The following TTC27 variants were observed in gnomAD, a reference collection of about 807,000 sequenced individuals.
TTC27 encodes tetratricopeptide repeat protein 27.
TTC27 carries 79 observed loss-of-function variants against 115.9 expected under a neutral mutation model. That is an observed-to-expected ratio of 0.68 (90% CI 0.57 to 0.82). TTC27 has a LOEUF of 0.82. Among genes scored for constraint, TTC27 ranks in the 40% least tolerant of loss-of-function variants. The probability of loss-of-function intolerance (pLI) is 0.00; values close to 1 mark genes in which losing one functional copy is unlikely to be tolerated. For missense variants in TTC27, 1,054 were observed against 993.1 expected (o/e 1.06, Z -0.82); for synonymous variants, 401 against 356.0 (o/e 1.13, Z -1.42).
At chr2:32,763,048 CT>C (rs1669502712) in intron 13 of TTC27, among the ~76,000 whole-genome samples, 3 of 152,260 alleles carry the variant, frequency 2.0e-5, no homozygotes, top group Admixed American at 2.0e-4. Flanking sequence ...GCTTGCTGGT[CT>C]CATTATATAA....
chr2:32,652,848 T>C (rs1436888441), intron 5 of TTC27, among the ~76,000 whole-genome samples: 4 of 150,828 alleles, frequency 2.7e-5, no homozygotes, highest in Non-Finnish European at 4.4e-5. Context: ...GTTGGCAGGA[T>C]TTTTTTTTTC....
chr2:32,733,742 G>A (rs1489048172), intron 10 of TTC27, 86 bp from the exon 11 acceptor site: 1 of 737,788 alleles, frequency 1.4e-6, no homozygotes, highest in Non-Finnish European at 2.1e-6. Context: ...TTGTTTATAT[G>A]TGCATTTGTA....
intron 10 of TTC27, among the ~76,000 whole-genome samples, chr2:32,730,097 T>C (rs577256773): frequency 6.6e-6 from 1 of 152,302 alleles, no homozygotes; most frequent in African/African-American, 2.4e-5. Flanking sequence ...GTGCATTCAG[T>C]CCCATTCTCA....
intron 16 of TTC27, 80 bp from the exon 17 acceptor site, chr2:32,810,944 T>C (rs1165806075): frequency 2.1e-6 from 3 of 1,448,682 alleles, no homozygotes; most frequent in Non-Finnish European, 2.9e-6. Flanking sequence ...TCATTGTCTT[T>C]GATGATGGTG....
At chr2:32,659,212 C>T (rs981874309) in intron 5 of TTC27, among the ~76,000 whole-genome samples, 1 of 152,148 alleles carries the variant, frequency 6.6e-6, no homozygotes. Context: ...GCAATCTTTC[C>T]ACCTAGGTCT....
intron 7 of TTC27, among the ~76,000 whole-genome samples, chr2:32,667,926 C>T (rs1247927481): frequency 7.4e-5 from 11 of 148,844 alleles, no homozygotes; most frequent in Non-Finnish European, 1.5e-4. Flanking sequence ...CAGTGGCTCA[C>T]GCCTGTAATC....
chr2:32,744,508 T>C (rs1304649491), intron 12 of TTC27, among the ~76,000 whole-genome samples: 1 of 152,192 alleles, frequency 6.6e-6, no homozygotes, highest in Non-Finnish European at 1.5e-5. Flanking sequence ...ATATTAATGT[T>C]CCTAGAAGCT....
intron 9 of TTC27, among the ~76,000 whole-genome samples, chr2:32,679,447 G>A (rs980224924): frequency 6.6e-6 from 1 of 152,204 alleles, no homozygotes; most frequent in African/African-American, 2.4e-5. Context: ...ATAGATATTT[G>A]AGGATTTTAG....
chr2:32,730,621 A>ATT (rs10712292), intron 10 of TTC27, among the ~76,000 whole-genome samples: 6 of 137,826 alleles, frequency 4.4e-5, no homozygotes, highest in African/African-American at 1.1e-4. Context: ...AGACTTTCTT[A>ATT]TTTTTTTTTT....
In TTC27 at chr2:32,628,262, G is replaced by A. The variant is rs1227219181; in HGVS notation, c.-31G>A. 1.3e-6 allele frequency: 2 copies of A among 1,589,556 alleles called. No individual in the cohort carries two copies. The highest frequency in any genetic ancestry group is 1.7e-6 in the Non-Finnish European group (2 of 1,169,250). On this transcript the variant is annotated 5_prime_UTR_variant, in exon 1 of 20. Coordinates refer to ENST00000317907, the MANE Select transcript of TTC27 (RefSeq NM_017735.5). ...TGACTCCCGTGTGGCCCTCGTGGGA[G>A]CCTGTTTTGGCTGCAGCGGTGTCTG...
intron 8 of TTC27, among the ~76,000 whole-genome samples, chr2:32,677,764 C>G (rs2151887485): frequency 6.6e-6 from 1 of 152,212 alleles, no homozygotes; most frequent in Admixed American, 6.5e-5. Context: ...AAATTGTTTT[C>G]TAAAATGATC....
chr2:32,658,000 T>C, intron 5 of TTC27, among the ~76,000 whole-genome samples: 1 of 152,198 alleles, frequency 6.6e-6, no homozygotes, highest in East Asian at 1.9e-4. Context: ...CAGCTAATTT[T>C]GTATTTTTGG....
At chr2:32,772,549 A>G (rs974538185) in intron 13 of TTC27, among the ~76,000 whole-genome samples, 4 of 152,204 alleles carry the variant, frequency 2.6e-5, no homozygotes, top group Admixed American at 2.6e-4. Flanking sequence ...AAATTCCATG[A>G]GACACTCCAC....
chr2:32,699,264 C>T (rs1220054878), intron 9 of TTC27, among the ~76,000 whole-genome samples: 1 of 152,174 alleles, frequency 6.6e-6, no homozygotes, highest in East Asian at 1.9e-4. Context: ...GAGAAGGCTC[C>T]CTCACAAAGT....
intron 10 of TTC27, among the ~76,000 whole-genome samples, chr2:32,711,365 A>G (rs143473461): frequency 6.6e-6 from 1 of 152,292 alleles, no homozygotes; most frequent in East Asian, 1.9e-4. Context: ...AATCTTGGAA[A>G]TTAGTCAGAT....
chr2:32,806,720 G>T (rs1485953950), intron 16 of TTC27, among the ~76,000 whole-genome samples: 1 of 152,016 alleles, frequency 6.6e-6, no homozygotes, highest in Non-Finnish European at 1.5e-5. Flanking sequence ...GGCAGAGGTT[G>T]CAGTGAGCCA....
At chr2:32,631,375 CTATT>C (rs569042120) in intron 2 of TTC27, among the ~76,000 whole-genome samples, 8 of 152,076 alleles carry the variant, frequency 5.3e-5, no homozygotes, top group South Asian at 2.1e-4. Context: ...TAATTTGTAA[CTATT>C]TATTATGTTT....
At chr2:32,637,887 G>A (rs889583332) in intron 3 of TTC27, among the ~76,000 whole-genome samples, 5 of 152,172 alleles carry the variant, frequency 3.3e-5, no homozygotes, top group Non-Finnish European at 5.9e-5. Flanking sequence ...AACTCATGAT[G>A]AAGGTCTTCT....
chr2:32,818,990 G>C (rs534048313), intron 19 of TTC27, among the ~76,000 whole-genome samples: 1 of 152,220 alleles, frequency 6.6e-6, no homozygotes, highest in South Asian at 2.1e-4. Context: ...AAATCTATAA[G>C]AGCCCCCTCA....
Sources: gnomAD v4.1 joint callset for allele counts (sites outside exome capture counted in the v4.1 genomes callset) on GRCh38, gnomAD v4.1.1 for gene constraint, MANE v1.5 for transcripts, NCBI Gene and HGNC (gene_info 2026-07-23, HGNC 2026-07-21) for gene names.